Variants in XKR9 observed in about 807,000 individuals in gnomAD.
XKR9 encodes the protein XK-related protein 9.
In XKR9, 32 loss-of-function variants were observed where a neutral mutation model predicts 32.0. That is an observed-to-expected ratio of 1.00 (90% CI 0.76 to 1.34). The LOEUF is 1.34. Among genes scored for constraint, XKR9 ranks in the 40% most tolerant of loss-of-function variants. XKR9 has a pLI of 0.00. For missense variants in XKR9, 546 were observed against 429.7 expected (o/e 1.27, Z -2.39); for synonymous variants, 168 against 143.4 (o/e 1.17, Z -1.22).
chr8:70,994,356 C>T, the XKR9 span, among the ~76,000 whole-genome samples: 3 of 152,046 alleles, frequency 2.0e-5, no homozygotes, highest in African/African-American at 4.8e-5. Context: ...CCTTCACTAT[C>T]GATAGATAAT....
At chr8:71,024,687 A>G in the XKR9 span, among the ~76,000 whole-genome samples, 1 of 151,970 alleles carries the variant, frequency 6.6e-6, no homozygotes, top group Non-Finnish European at 1.5e-5. Flanking sequence ...CATGGTAAGA[A>G]TGTGGACCAC....
the XKR9 span, among the ~76,000 whole-genome samples, chr8:70,824,184 A>G: frequency 2.6e-5 from 4 of 152,106 alleles, no homozygotes; most frequent in Admixed American, 1.3e-4. Context: ...GCCATTGTGT[A>G]TTTTAGAAAA....
chr8:70,839,498 T>G, the XKR9 span, among the ~76,000 whole-genome samples: 3 of 152,188 alleles, frequency 2.0e-5, no homozygotes, highest in African/African-American at 7.2e-5. Flanking sequence ...CCGCCAACAT[T>G]ACTTTGATGA....
At chr8:70,855,319 T>C in the XKR9 span, among the ~76,000 whole-genome samples, 174 of 152,194 alleles carry the variant, frequency 1.1e-3, 1 homozygote, top group Non-Finnish European at 1.5e-3. Context: ...GCACGAGAAC[T>C]ACATGATGAA....
At chr8:70,869,378 A>C in the XKR9 span, among the ~76,000 whole-genome samples, 3 of 152,234 alleles carry the variant, frequency 2.0e-5, no homozygotes. Flanking sequence ...GGCAAGAAAG[A>C]GTAAGTTACA....
chr8:70,750,658 G>A (rs1807127028), intron 2 of XKR9, among the ~76,000 whole-genome samples: 1 of 152,030 alleles, frequency 6.6e-6, no homozygotes, highest in Non-Finnish European at 1.5e-5. Flanking sequence ...CAATTCAACT[G>A]TTTAAAGTAT....
At chr8:70,982,510 C>A in the XKR9 span, among the ~76,000 whole-genome samples, 3 of 152,222 alleles carry the variant, frequency 2.0e-5, no homozygotes, top group Admixed American at 6.5e-5. Context: ...CCACACAGCC[C>A]CCAGTCCTAA....
At chr8:70,781,862 A>C (rs1264809586) in intron 2 of XKR9, among the ~76,000 whole-genome samples, 1 of 152,204 alleles carries the variant, frequency 6.6e-6, no homozygotes, top group Non-Finnish European at 1.5e-5. Context: ...TAAAATATTT[A>C]TGCGGATTAC....
chr8:70,676,601 A>G (rs1818897228), intron 2 of XKR9, among the ~76,000 whole-genome samples: 1 of 152,190 alleles, frequency 6.6e-6, no homozygotes, highest in Non-Finnish European at 1.5e-5. Context: ...CTGCCTGACT[A>G]AATTAGGAAT....
chr8:70,700,765 TTGTC>T (rs1422663074), intron 3 of XKR9, among the ~76,000 whole-genome samples: 1 of 152,180 alleles, frequency 6.6e-6, no homozygotes, highest in African/African-American at 2.4e-5. Context: ...GTCTTTTTGT[TTGTC>T]TGTGCCCTGC....
the XKR9 span, among the ~76,000 whole-genome samples, chr8:71,007,946 A>T: frequency 1.3e-5 from 2 of 151,934 alleles, no homozygotes; most frequent in Non-Finnish European, 2.9e-5. Context: ...GGGCAAAAAA[A>T]CATTTATTTA....
intron 4 of XKR9, among the ~76,000 whole-genome samples, chr8:70,725,980 T>A (rs142931575): frequency 6.6e-6 from 1 of 152,182 alleles, no homozygotes; most frequent in African/African-American, 2.4e-5. Context: ...AAACTACAAA[T>A]GGATTTTACA....
At chr8:70,713,874 T>G (rs1422541537) in intron 4 of XKR9, among the ~76,000 whole-genome samples, 1 of 152,150 alleles carries the variant, frequency 6.6e-6, no homozygotes, top group Non-Finnish European at 1.5e-5. Flanking sequence ...TGTGTTTGCT[T>G]GGGCGGCCAT....
the XKR9 span, among the ~76,000 whole-genome samples, chr8:70,815,061 G>A: frequency 0.32 from 48,449 of 151,938 alleles, 9,071 homozygotes; most frequent in Non-Finnish European, 0.43. Context: ...AAGGACAAGT[G>A]TAAAGCACTG....
chr8:70,906,028 A>T, the XKR9 span, among the ~76,000 whole-genome samples: 3 of 152,230 alleles, frequency 2.0e-5, no homozygotes, highest in Non-Finnish European at 4.4e-5. Context: ...ATGAGGTGTC[A>T]GTCGGCCACT....
intron 2 of XKR9, among the ~76,000 whole-genome samples, chr8:70,745,674 A>G (rs889371382): frequency 6.6e-6 from 1 of 152,280 alleles, no homozygotes; most frequent in East Asian, 1.9e-4. Context: ...CTATCAGTTA[A>G]TAATTAGTTT....
chr8:71,013,432 G>A, the XKR9 span, among the ~76,000 whole-genome samples: 8 of 152,282 alleles, frequency 5.3e-5, no homozygotes, highest in South Asian at 1.2e-3. Flanking sequence ...GAGGCAGTGC[G>A]GCATGGAGTT....
intron 3 of XKR9, among the ~76,000 whole-genome samples, chr8:70,693,514 C>T (rs913530991): frequency 1.1e-4 from 16 of 152,296 alleles, no homozygotes; most frequent in Middle Eastern, 3.4e-3. Flanking sequence ...CTTGTCACTC[C>T]TGGGATGCCC....
At chr8:70,965,299 G>T in the XKR9 span, among the ~76,000 whole-genome samples, 1 of 152,096 alleles carries the variant, frequency 6.6e-6, no homozygotes, top group Non-Finnish European at 1.5e-5. Context: ...GATGAAGGCA[G>T]CTTTATCATG....
Sources: gnomAD v4.1 joint callset for allele counts (sites outside exome capture counted in the v4.1 genomes callset) on GRCh38, gnomAD v4.1.1 for gene constraint, MANE v1.5 for transcripts, NCBI Gene and HGNC (gene_info 2026-07-23, HGNC 2026-07-21) for gene names.